The following SUGCT variants were observed in gnomAD, a reference collection of about 807,000 sequenced individuals.
SUGCT encodes the protein succinyl-CoA:glutarate-CoA transferase, also known as succinyl-CoA:glutarate CoA-transferase.
In SUGCT, 41 loss-of-function variants were observed where a neutral mutation model predicts 55.0. That is an observed-to-expected ratio of 0.74 (90% CI 0.58 to 0.97). The LOEUF (loss-of-function observed/expected upper bound fraction) is 0.97, where lower values mean the gene tolerates loss of function less well. Among genes scored for constraint, SUGCT ranks in the 50% least tolerant of loss-of-function variants. SUGCT has a pLI of 0.00. For missense variants in SUGCT, 568 were observed against 547.8 expected (o/e 1.04, Z -0.37); for synonymous variants, 187 against 200.4 (o/e 0.93, Z 0.56).
chr7:40,241,787 G>A (rs1465090658), intron 7 of SUGCT, among the ~76,000 whole-genome samples: 1 of 151,948 alleles, frequency 6.6e-6, no homozygotes, highest in Non-Finnish European at 1.5e-5. Flanking sequence ...GGGCGTGGTG[G>A]TGTGCATCTG....
the SUGCT span, among the ~76,000 whole-genome samples, chr7:41,005,857 A>G: frequency 4.6e-4 from 70 of 152,284 alleles, no homozygotes; most frequent in African/African-American, 1.4e-3. Context: ...CTAGCCCTCA[A>G]CCTTGTGTAA....
At chr7:40,623,134 CT>C (rs1474518776) in intron 12 of SUGCT, among the ~76,000 whole-genome samples, 1 of 152,156 alleles carries the variant, frequency 6.6e-6, no homozygotes, top group Admixed American at 6.5e-5. Context: ...GGAACCACTC[CT>C]TGGTGCCACA....
At chr7:40,723,713 G>A (rs1786468219) in intron 12 of SUGCT, among the ~76,000 whole-genome samples, 1 of 152,152 alleles carries the variant, frequency 6.6e-6, no homozygotes, top group Admixed American at 6.5e-5. Context: ...AAAAACAAAA[G>A]TATGACTTTC....
intron 6 of SUGCT, among the ~76,000 whole-genome samples, chr7:40,206,827 A>G (rs953531925): frequency 6.6e-6 from 1 of 152,168 alleles, no homozygotes; most frequent in Non-Finnish European, 1.5e-5. Context: ...TTTTCCTAAT[A>G]TTTTCAATTT....
intron 9 of SUGCT, among the ~76,000 whole-genome samples, chr7:40,366,623 T>G (rs1423631019): frequency 6.6e-6 from 1 of 152,162 alleles, no homozygotes; most frequent in African/African-American, 2.4e-5. Context: ...CAGACACTTC[T>G]CAAAAGAAGA....
rs137960410 is a variant in SUGCT at position 40,371,945 on chromosome 7, AACACAC to A, written c.816+55112_816+55117del. On this transcript the variant is annotated intron_variant, in intron 9 of 13. Transcript: ENST00000335693. ...TTTGGATGTATGTATATACATCTCG[AACACAC>A]ACACACACACACACACACACATCTG... is the stretch of plus-strand genomic sequence containing the variant. Among the ~76,000 whole-genome samples, 35 of 147,768 alleles carry A rather than the reference AACACAC, an allele frequency of 2.4e-4. 1 individual carries two copies. The highest frequency in any genetic ancestry group is 1.4e-3 in the East Asian group (7 of 5,062).
intron 7 of SUGCT, among the ~76,000 whole-genome samples, chr7:40,248,015 T>G (rs1790028451): frequency 1.2e-3 from 1 of 856 alleles, no homozygotes; most frequent in Admixed American, 0.1. Context: ...GTTTTTTTGT[T>G]TTTTTTTTTT....
At chr7:41,013,873 T>C in the SUGCT span, among the ~76,000 whole-genome samples, 1 of 152,098 alleles carries the variant, frequency 6.6e-6, no homozygotes, top group Non-Finnish European at 1.5e-5. Context: ...GGAGTAGATA[T>C]TATATGAAAT....
chr7:40,601,624 A>C (rs528711075), intron 12 of SUGCT, among the ~76,000 whole-genome samples: 20 of 152,316 alleles, frequency 1.3e-4, no homozygotes, highest in African/African-American at 4.3e-4. Context: ...TGCATGAGAA[A>C]GCCTAAGCCT....
chr7:40,335,786 T>C (rs1796659510), intron 9 of SUGCT, among the ~76,000 whole-genome samples: 1 of 152,142 alleles, frequency 6.6e-6, no homozygotes, highest in African/African-American at 2.4e-5. Flanking sequence ...AACACTATGT[T>C]GAATAGGAGT....
At chr7:40,990,342 G>A in the SUGCT span, among the ~76,000 whole-genome samples, 3 of 152,204 alleles carry the variant, frequency 2.0e-5, no homozygotes, top group Non-Finnish European at 4.4e-5. Flanking sequence ...CTAATAAAAG[G>A]AATCTTTTTC....
intron 9 of SUGCT, among the ~76,000 whole-genome samples, chr7:40,382,098 C>CA (rs1298264804): frequency 6.6e-6 from 1 of 151,432 alleles, no homozygotes; most frequent in Non-Finnish European, 1.5e-5. Context: ...TTTTATTTTT[C>CA]AAAAAACACC....
At chr7:40,682,206 G>GC (rs1230928354) in intron 12 of SUGCT, among the ~76,000 whole-genome samples, 2 of 152,156 alleles carry the variant, frequency 1.3e-5, no homozygotes, top group African/African-American at 4.8e-5. Context: ...CTCCATCTCA[G>GC]CCTGGAAAGG....
intron 12 of SUGCT, among the ~76,000 whole-genome samples, chr7:40,711,470 C>G (rs1785716863): frequency 6.6e-6 from 1 of 152,034 alleles, no homozygotes; most frequent in African/African-American, 2.4e-5. Flanking sequence ...CCACTGTACT[C>G]CAGCCTGTGT....
chr7:40,557,968 A>C (rs933726271), intron 12 of SUGCT, among the ~76,000 whole-genome samples: 1 of 152,166 alleles, frequency 6.6e-6, no homozygotes, highest in East Asian at 1.9e-4. Context: ...CATTTTTCCA[A>C]AGAAGATAAA....
At chr7:41,032,335 GT>G in the SUGCT span, among the ~76,000 whole-genome samples, 345 of 143,716 alleles carry the variant, frequency 2.4e-3, 1 homozygote, top group African/African-American at 3.6e-3. Flanking sequence ...CATTTCTCAT[GT>G]TTTTTTTTTT....
chr7:40,898,365 C>G, the SUGCT span, among the ~76,000 whole-genome samples: 5 of 151,764 alleles, frequency 3.3e-5, no homozygotes, highest in Non-Finnish European at 5.9e-5. Flanking sequence ...CTCCTGAAGT[C>G]AGCAAGAGCA....
intron 12 of SUGCT, among the ~76,000 whole-genome samples, chr7:40,747,823 G>A (rs998362809): frequency 1.3e-5 from 2 of 151,936 alleles, no homozygotes; most frequent in African/African-American, 4.8e-5. Context: ...ATTTTTATTT[G>A]CGTATCACAA....
chr7:40,239,433 C>G (rs1420063877), intron 7 of SUGCT, among the ~76,000 whole-genome samples: 1 of 152,148 alleles, frequency 6.6e-6, no homozygotes, highest in African/African-American at 2.4e-5. Context: ...GAGAATAGAG[C>G]ATGGACATTT....
Sources: allele counts gnomAD v4.1 joint callset (sites outside exome capture counted in the v4.1 genomes callset), GRCh38; gene constraint gnomAD v4.1.1; transcripts MANE v1.5; gene names NCBI Gene and HGNC (gene_info 2026-07-23, HGNC 2026-07-21).